Variants in FGGY observed in about 807,000 individuals in gnomAD.
FGGY encodes the protein FGGY carbohydrate kinase domain containing.
A neutral mutation model predicts 71.3 loss-of-function variants in FGGY; 72 were observed. That is an observed-to-expected ratio of 1.01 (90% CI 0.84 to 1.23). FGGY has a LOEUF of 1.23. Among genes scored for constraint, FGGY ranks in the 50% most tolerant of loss-of-function variants. FGGY has a pLI of 0.00. For synonymous variants in FGGY, 251 were observed against 250.3 expected, an observed-to-expected ratio of 1.00 and a Z score of -0.02; for missense variants, 668 against 682.3, an observed-to-expected ratio of 0.98 and a Z score of 0.23.
At position 59,359,004 on chromosome 1, in the gene FGGY, G is replaced by A. The variant is rs186171864; in HGVS notation, c.465+12606G>A. On this transcript the variant is annotated intron_variant, in intron 4 of 15. Coordinates refer to ENST00000303721, the MANE Select transcript of FGGY (RefSeq NM_018291.5). ...TGCAAACCCAGGTTTCTGACTCTAA[G>A]AAATGAATTTGAAAAATTATTGTAA... Among the ~76,000 whole-genome samples, 600 of 152,256 alleles carry A rather than the reference G, an allele frequency of 3.9e-3. 3 individuals carry two copies. Among genetic ancestry groups the A allele is most frequent in the Non-Finnish European group, 5.7e-3 (390 of 68,014 alleles).
In FGGY at chr1:59,372,160, CG is replaced by C. The variant is rs2057772868; in HGVS notation, c.466-6588del. On this transcript the variant is annotated intron_variant, in intron 4 of 15. Transcript: ENST00000303721. ...GAAAGGATCAACAAAATTGATAGAC[CG>C]TTAGCAAGACTAATAAAGAAAAAAA... is the stretch of plus-strand genomic sequence containing the variant. 4.6e-5 allele frequency among the ~76,000 whole-genome samples: 7 copies of C among 151,860 alleles called. No individual in the cohort carries two copies. The South Asian group carries it at 1.5e-3, about 32-fold the overall frequency.
chr1:59,608,547 G>T (rs997367064), intron 9 of FGGY, among the ~76,000 whole-genome samples: 1 of 152,138 alleles, frequency 6.6e-6, no homozygotes, highest in Non-Finnish European at 1.5e-5. Context: ...AAAGACAAGG[G>T]CCATGCGGTA....
chr1:59,761,830 G>A (rs1397910375), intron 15 of FGGY, among the ~76,000 whole-genome samples: 1 of 152,176 alleles, frequency 6.6e-6, no homozygotes. Context: ...TCTGCAAAAG[G>A]GCAATTAAAA....
At chr1:59,597,783 G>T (rs867058788) in intron 8 of FGGY, among the ~76,000 whole-genome samples, 2 of 152,136 alleles carry the variant, frequency 1.3e-5, no homozygotes, top group African/African-American at 2.4e-5. Context: ...TCCTTTTAAC[G>T]GAACTCTAAA....
At chr1:59,750,204 C>T (rs934561665) in intron 14 of FGGY, among the ~76,000 whole-genome samples, 3 of 152,160 alleles carry the variant, frequency 2.0e-5, no homozygotes, top group African/African-American at 7.2e-5. Flanking sequence ...CCATTTCCTA[C>T]AGAATTATAA....
intron 11 of FGGY, among the ~76,000 whole-genome samples, chr1:59,651,277 G>T (rs1274081595): frequency 6.6e-6 from 1 of 152,070 alleles, no homozygotes; most frequent in Non-Finnish European, 1.5e-5. Context: ...TCCGCTTGGT[G>T]CAGAGCTGAG....
At chr1:59,681,363 A>G (rs2097496872) in intron 14 of FGGY, among the ~76,000 whole-genome samples, 1 of 152,182 alleles carries the variant, frequency 6.6e-6, no homozygotes, top group Admixed American at 6.5e-5. Context: ...TTATTCAGGA[A>G]TGTAAGAATT....
chr1:59,494,183 G>A (rs1365922085), intron 6 of FGGY, among the ~76,000 whole-genome samples: 1 of 152,190 alleles, frequency 6.6e-6, no homozygotes, highest in Non-Finnish European at 1.5e-5. Flanking sequence ...TACCATGTGA[G>A]ATGGAGAAAC....
intron 5 of FGGY, among the ~76,000 whole-genome samples, chr1:59,398,366 G>GTAGC (rs1217052015): frequency 6.6e-6 from 1 of 152,056 alleles, no homozygotes; most frequent in Non-Finnish European, 1.5e-5. Flanking sequence ...AGTCTCCTGA[G>GTAGC]TAGCTGGGAC....
intron 14 of FGGY, among the ~76,000 whole-genome samples, chr1:59,691,290 T>C (rs923422273): frequency 2.0e-4 from 31 of 152,322 alleles, no homozygotes; most frequent in Middle Eastern, 3.4e-3. Flanking sequence ...CTAGCCTACC[T>C]TGAGAAAAGC....
chr1:59,639,410 A>G (rs1019602715), intron 11 of FGGY, among the ~76,000 whole-genome samples: 2 of 152,242 alleles, frequency 1.3e-5, no homozygotes, highest in African/African-American at 4.8e-5. Flanking sequence ...AAAATTAGAC[A>G]TGACAAAGGT....
At chr1:59,440,878 G>A (rs1001794237) in intron 5 of FGGY, among the ~76,000 whole-genome samples, 1 of 151,638 alleles carries the variant, frequency 6.6e-6, no homozygotes, top group African/African-American at 2.4e-5. Flanking sequence ...GAAGTGAATG[G>A]AAGTGTGACC....
At chr1:59,664,290 G>A (rs2097303845) in intron 12 of FGGY, among the ~76,000 whole-genome samples, 1 of 152,184 alleles carries the variant, frequency 6.6e-6, no homozygotes. Flanking sequence ...TTTCAGTAGG[G>A]TGGAGTATTA....
rs1224922382 is a variant in FGGY, at chr1:59,762,488, A to G, written c.1575-15A>G. On this transcript the variant is annotated splice_polypyrimidine_tract_variant and intron_variant, in intron 15 of 15. Coordinates refer to ENST00000303721, the MANE Select transcript of FGGY (RefSeq NM_018291.5). Reference sequence around the variant, plus strand: ...TGTCTTGAGATCATTCAACATATTTATATTTCTCCCACAGATACTATGATA... The same window carrying G: ...TGTCTTGAGATCATTCAACATATTTGTATTTCTCCCACAGATACTATGATA... The G allele has an allele frequency of 1.9e-6, 3 of 1,600,244 alleles. No individual in the cohort carries two copies. The highest frequency in any genetic ancestry group is 2.6e-6 in the Non-Finnish European group (3 of 1,168,678).
chr1:59,455,171 G>A (rs1357124308), intron 5 of FGGY, among the ~76,000 whole-genome samples: 1 of 152,194 alleles, frequency 6.6e-6, no homozygotes, highest in African/African-American at 2.4e-5. Flanking sequence ...TAGTGGGAGA[G>A]ATGGTGAAAT....
chr1:59,643,175 A>T (rs927830049), intron 11 of FGGY, among the ~76,000 whole-genome samples: 2 of 152,276 alleles, frequency 1.3e-5, no homozygotes, highest in African/African-American at 4.8e-5. Context: ...TATTCAATGG[A>T]ATATTTTTAA....
At position 59,378,757 on chromosome 1, in the gene FGGY, A is replaced by G. The variant is rs1305289749; in HGVS notation, c.474A>G (p.Arg158=). 1.2e-6 allele frequency: 2 copies of G among 1,613,230 alleles called. No individual in the cohort carries two copies. The highest frequency in any genetic ancestry group is 2.2e-5 in the South Asian group (2 of 91,014). Residue 158 remains arginine (R), a synonymous_variant, in exon 5 of 16, where the codon AGA becomes AGG. Coordinates refer to ENST00000303721, the MANE Select transcript of FGGY (RefSeq NM_018291.5). Reference sequence around the variant, plus strand: ...TATATTTAATTTGGCAGAACTTGAGAGAGATTTGCTGGGATAAGGCGGGAC... The same window carrying G: ...TATATTTAATTTGGCAGAACTTGAGGGAGATTTGCTGGGATAAGGCGGGAC... ...PKLLWLKENL[R]EICWDKAGHF...
chr1:59,699,309 ATTGT>A (rs1349083837), intron 14 of FGGY: 2 of 984,710 alleles, frequency 2.0e-6, no homozygotes, highest in African/African-American at 3.5e-5. Context: ...GAGATACTAA[ATTGT>A]TTGTAGCTTC....
chr1:59,383,395 A>G (rs2059708305), intron 5 of FGGY, among the ~76,000 whole-genome samples: 3 of 152,128 alleles, frequency 2.0e-5, no homozygotes, highest in Non-Finnish European at 4.4e-5. Flanking sequence ...GGCCTAATGA[A>G]TTTTTTGAAT....
Sources: allele counts gnomAD v4.1 joint callset (sites outside exome capture counted in the v4.1 genomes callset), GRCh38; gene constraint gnomAD v4.1.1; transcripts MANE v1.5; gene names NCBI Gene and HGNC (gene_info 2026-07-23, HGNC 2026-07-21).